Variants in LHFPL3 observed in about 807,000 individuals in gnomAD.
The protein encoded by LHFPL3 is LHFPL tetraspan subfamily member 3, also known as LHFPL tetraspan subfamily member 3 protein.
A neutral mutation model predicts 19.3 loss-of-function variants in LHFPL3; 5 were observed. That is an observed-to-expected ratio of 0.26 (90% CI 0.14 to 0.54). The LOEUF is 0.54. LHFPL3 is among the 20% of genes least tolerant of loss of function. LHFPL3 has a pLI of 0.94. For missense variants in LHFPL3, 249 were observed against 307.4 expected (o/e 0.81, Z 1.42); for synonymous variants, 133 against 126.2 (o/e 1.05, Z -0.36).
chr7:104,603,265 A>G (rs1791022516), intron 1 of LHFPL3, among the ~76,000 whole-genome samples: 1 of 151,346 alleles, frequency 6.6e-6, no homozygotes, highest in Non-Finnish European at 1.5e-5. Flanking sequence ...ACACAATCAC[A>G]GCTCACTGCA....
intron 2 of LHFPL3, among the ~76,000 whole-genome samples, chr7:104,820,751 C>G (rs773404110): frequency 2.6e-5 from 4 of 152,152 alleles, no homozygotes; most frequent in South Asian, 2.1e-4. Flanking sequence ...AACCACCCCC[C>G]CAGACCAAAG....
intron 1 of LHFPL3, among the ~76,000 whole-genome samples, chr7:104,587,599 T>A (rs1375235957): frequency 6.6e-6 from 1 of 152,210 alleles, no homozygotes; most frequent in East Asian, 1.9e-4. Flanking sequence ...TGTGTCTTTA[T>A]AGCAGCATGA....
At chr7:104,739,347 G>A (rs1191805755) in intron 2 of LHFPL3, among the ~76,000 whole-genome samples, 2 of 152,166 alleles carry the variant, frequency 1.3e-5, no homozygotes, top group South Asian at 2.1e-4. Flanking sequence ...CAGTAGTTGT[G>A]TATGTTGTAT....
intron 1 of LHFPL3, among the ~76,000 whole-genome samples, chr7:104,664,434 G>C (rs1203043383): frequency 6.6e-6 from 1 of 152,082 alleles, no homozygotes; most frequent in Non-Finnish European, 1.5e-5. Context: ...CATTCTTTCA[G>C]GTTCAAAATT....
chr7:104,449,082 A>G (rs938589437), intron 1 of LHFPL3, among the ~76,000 whole-genome samples: 2 of 152,188 alleles, frequency 1.3e-5, no homozygotes, highest in Non-Finnish European at 2.9e-5. Flanking sequence ...GGATTTTTGT[A>G]TCTTCTCCTG....
chr7:104,668,007 C>T (rs533809505), intron 1 of LHFPL3: 8 of 1,613,530 alleles, frequency 5.0e-6, no homozygotes, highest in East Asian at 2.2e-5. Context: ...CAATATCGAC[C>T]GGAGCCGTCT....
intron 2 of LHFPL3, among the ~76,000 whole-genome samples, chr7:104,774,846 G>T (rs1394237108): frequency 6.6e-6 from 1 of 152,156 alleles, no homozygotes. Flanking sequence ...CATTCAGGAG[G>T]CAAAACATAT....
chr7:104,532,597 A>G lies in LHFPL3; in HGVS notation c.445+203373A>G, dbSNP rs867883261. ...GTTGGGGAAATCCTTCTCTCTCTCC[A>G]TGTTTTCCTCACAAGTACCCCATCT... On this transcript the variant is annotated intron_variant, in intron 1 of 2. Transcript: ENST00000424859. Among the ~76,000 whole-genome samples, 5 of 151,602 alleles carry G rather than the reference A, an allele frequency of 3.3e-5. No individual in the cohort carries two copies. The Middle Eastern group carries it at 0.014, about 415-fold the overall frequency.
At chr7:104,589,696 C>T (rs1273030988) in intron 1 of LHFPL3, among the ~76,000 whole-genome samples, 4 of 152,074 alleles carry the variant, frequency 2.6e-5, no homozygotes, top group African/African-American at 9.7e-5. Context: ...GGTACCAGCT[C>T]CTCTTTGTAC....
chr7:104,583,380 C>A (rs971134856), intron 1 of LHFPL3, among the ~76,000 whole-genome samples: 1 of 152,164 alleles, frequency 6.6e-6, no homozygotes, highest in African/African-American at 2.4e-5. Context: ...CTAGGCAATA[C>A]CATTCAGGAC....
intron 2 of LHFPL3, among the ~76,000 whole-genome samples, chr7:104,905,135 G>A (rs922406948): frequency 6.6e-6 from 1 of 151,958 alleles, no homozygotes; most frequent in South Asian, 2.1e-4. Flanking sequence ...TGTATGTTTT[G>A]TAGAGATGGG....
chr7:104,907,288 G>A lies in LHFPL3; in HGVS notation c.*1073G>A, dbSNP rs1293378282. ...ACATATTTCTAAATAATAGTAAGTG[G>A]TACTAACAAAATAAATAATAATTTA... On this transcript the variant is annotated 3_prime_UTR_variant, in exon 3 of 3. Transcript: ENST00000424859. The A allele has an allele frequency of 6.6e-6, 1 of 151,624 alleles. No individual in the cohort carries two copies. Among genetic ancestry groups the A allele is most frequent in the Non-Finnish European group, 1.5e-5 (1 of 67,846 alleles). 9.4% of individuals were successfully genotyped at this position (151,624 alleles called of 1,614,324 possible).
chr7:104,462,874 T>G (rs1049835731), intron 1 of LHFPL3, among the ~76,000 whole-genome samples: 13 of 151,602 alleles, frequency 8.6e-5, no homozygotes, highest in African/African-American at 2.7e-4. Flanking sequence ...GGTCCTGGGG[T>G]TTTTTTTGGT....
Position 104,556,568 on chromosome 7 carries a change from A to G in LHFPL3, c.446-180107A>G, listed in dbSNP as rs567235922. On this transcript the variant is annotated intron_variant, in intron 1 of 2. Transcript: ENST00000424859. ...AGAGGCACCCTGGGCCCAGCCCACA[A>G]AACCATTTTTCCTCCTAAACCTCCA... Among the ~76,000 whole-genome samples the G allele has an allele frequency of 9.9e-5, 15 of 152,260 alleles. No individual in the cohort carries two copies. The South Asian group carries it at 3.1e-3, about 32-fold the overall frequency.
chr7:104,595,047 C>G (rs1361697168), intron 1 of LHFPL3, among the ~76,000 whole-genome samples: 1 of 152,212 alleles, frequency 6.6e-6, no homozygotes, highest in African/African-American at 2.4e-5. Flanking sequence ...CTGTCAACTT[C>G]TCAAAGTCAT....
At chr7:104,432,170 T>C (rs1462653189) in intron 1 of LHFPL3, among the ~76,000 whole-genome samples, 4 of 152,202 alleles carry the variant, frequency 2.6e-5, no homozygotes, top group Non-Finnish European at 4.4e-5. Flanking sequence ...ACTTGGCCCT[T>C]CCAACTCATG....
intron 1 of LHFPL3, among the ~76,000 whole-genome samples, chr7:104,426,748 T>A (rs181009377): frequency 3.8e-4 from 58 of 152,356 alleles, no homozygotes; most frequent in African/African-American, 1.4e-3. Context: ...ATATATTTTC[T>A]TCTTTGGACC....
chr7:104,524,663 A>G (rs1008331086), intron 1 of LHFPL3, among the ~76,000 whole-genome samples: 1 of 152,214 alleles, frequency 6.6e-6, no homozygotes, highest in African/African-American at 2.4e-5. Context: ...TCCACAAAAA[A>G]GAAGTGTGAT....
At chr7:104,776,347 C>A (rs972612574) in intron 2 of LHFPL3, among the ~76,000 whole-genome samples, 1 of 152,346 alleles carries the variant, frequency 6.6e-6, no homozygotes. Flanking sequence ...CCCATCCCCA[C>A]CTGCATACAG....
Sources: allele counts gnomAD v4.1 joint callset (sites outside exome capture counted in the v4.1 genomes callset), GRCh38; gene constraint gnomAD v4.1.1; transcripts MANE v1.5; gene names NCBI Gene and HGNC (gene_info 2026-07-23, HGNC 2026-07-21).